Variants in YAE1 observed in about 807,000 individuals in gnomAD.
The protein encoded by YAE1 is YAE1 maturation factor of ABCE1.
Under a neutral mutation model 23.0 loss-of-function variants are expected in YAE1, and 22 were observed. The observed-to-expected ratio is 0.96, with a 90% CI of 0.68 to 1.37. YAE1 has a LOEUF of 1.37. Among genes scored for constraint, YAE1 ranks in the 40% most tolerant of loss-of-function variants. The pLI, the probability that YAE1 is intolerant of heterozygous loss-of-function variation, is 0.00. For synonymous variants in YAE1, 101 were observed against 97.0 expected (o/e 1.04, Z -0.24); for missense variants, 260 against 262.1 (o/e 0.99, Z 0.06).
intron 2 of YAE1, among the ~76,000 whole-genome samples, chr7:39,579,364 CTG>C (rs1790707986): frequency 6.6e-6 from 1 of 152,128 alleles, no homozygotes; most frequent in Non-Finnish European, 1.5e-5. Context: ...GTAGCAGTGA[CTG>C]TGTTTAGTAG....
At chr7:39,587,717 T>G (rs1026651539) in intron 2 of YAE1, among the ~76,000 whole-genome samples, 1 of 152,122 alleles carries the variant, frequency 6.6e-6, no homozygotes, top group Non-Finnish European at 1.5e-5. Flanking sequence ...TGCTGTGGAG[T>G]ATCTTCCTTT....
chr7:39,577,643 C>G (rs117719910), downstream of YAE1, among the ~76,000 whole-genome samples: 7,343 of 152,322 alleles, frequency 0.048, 240 homozygotes, highest in South Asian at 0.096. Flanking sequence ...CCCCGGTGGG[C>G]ACGGCTCAGA....
chr7:39,588,997 A>G (rs1179136942), intron 2 of YAE1, among the ~76,000 whole-genome samples: 1 of 151,728 alleles, frequency 6.6e-6, no homozygotes, highest in Admixed American at 6.6e-5. Flanking sequence ...TTATTTTTGT[A>G]TTTTTAGTAG....
intron 2 of YAE1, among the ~76,000 whole-genome samples, chr7:39,590,410 A>T (rs1790885618): frequency 6.6e-6 from 1 of 152,202 alleles, no homozygotes; most frequent in Non-Finnish European, 1.5e-5. Context: ...TAAAGTGGCA[A>T]TATGATCCCT....
At chr7:39,569,790 G>C (rs764158173) in intron 1 of YAE1, 30 of 764,558 alleles carry the variant, frequency 3.9e-5, no homozygotes, top group Middle Eastern at 2.5e-4. Flanking sequence ...TGATGAAACG[G>C]GTTCAATACT....
chr7:39,593,024 T>C (rs920595249), intron 2 of YAE1, among the ~76,000 whole-genome samples: 3 of 151,376 alleles, frequency 2.0e-5, no homozygotes, highest in Non-Finnish European at 4.4e-5. Flanking sequence ...CTTTCTTCTC[T>C]GTTTTTTTCA....
chr7:39,594,782 G>A (rs1417874498), intron 2 of YAE1, among the ~76,000 whole-genome samples: 1 of 152,032 alleles, frequency 6.6e-6, no homozygotes, highest in Admixed American at 6.6e-5. Flanking sequence ...TTTTAGTAGA[G>A]ATGGGCTTTC....
At chr7:39,588,357 C>G (rs952532714) in intron 2 of YAE1, among the ~76,000 whole-genome samples, 1 of 152,018 alleles carries the variant, frequency 6.6e-6, no homozygotes, top group African/African-American at 2.4e-5. Flanking sequence ...ACTAAAAATA[C>G]AAAAATTAGC....
intron 2 of YAE1, among the ~76,000 whole-genome samples, chr7:39,596,019 A>G (rs1164060933): frequency 1.3e-5 from 2 of 152,094 alleles, no homozygotes; most frequent in African/African-American, 4.8e-5. Flanking sequence ...CTTTTTCTTG[A>G]TATCTGGTCT....
chr7:39,593,025 G>GT (rs150029883), intron 2 of YAE1, among the ~76,000 whole-genome samples: 4,955 of 151,478 alleles, frequency 0.033, 128 homozygotes, highest in Admixed American at 0.07. Context: ...TTTCTTCTCT[G>GT]TTTTTTTCAG....
chr7:39,580,030 G>A (rs571873628), intron 2 of YAE1, among the ~76,000 whole-genome samples: 150 of 152,300 alleles, frequency 9.8e-4, no homozygotes, highest in African/African-American at 3.4e-3. Context: ...AGGCAACAGA[G>A]TGAGACCCTG....
downstream of YAE1, among the ~76,000 whole-genome samples, chr7:39,575,228 A>G (rs1235229888): frequency 6.6e-6 from 1 of 152,172 alleles, no homozygotes; most frequent in Non-Finnish European, 1.5e-5. Flanking sequence ...AAAATAAGTT[A>G]CTTCTGGGTG....
chr7:39,595,440 A>AAC (rs148235529), intron 2 of YAE1, among the ~76,000 whole-genome samples: 8,271 of 152,208 alleles, frequency 0.054, 293 homozygotes, highest in East Asian at 0.12. Flanking sequence ...AGAGCTGGTA[A>AAC]ACACTGCAGA....
intron 2 of YAE1, among the ~76,000 whole-genome samples, chr7:39,583,617 A>G (rs1182865154): frequency 6.6e-6 from 1 of 152,226 alleles, no homozygotes; most frequent in East Asian, 1.9e-4. Context: ...CTTCTTTGCC[A>G]TTATTTTGTA....
chr7:39,610,347 A>G (rs1300781455), downstream of YAE1: 4 of 469,724 alleles, frequency 8.5e-6, no homozygotes, highest in Non-Finnish European at 1.3e-5. Flanking sequence ...ATTTTTTGCA[A>G]CTGTTTGATA....
chr7:39,589,925 A>G (rs535580141), intron 2 of YAE1, among the ~76,000 whole-genome samples: 1 of 152,350 alleles, frequency 6.6e-6, no homozygotes, highest in East Asian at 1.9e-4. Flanking sequence ...GACGGAGACT[A>G]TGACTCACCG....
chr7:39,593,173 A>G (rs375781238), intron 2 of YAE1, among the ~76,000 whole-genome samples: 1 of 40,066 alleles, frequency 2.5e-5, no homozygotes, highest in Non-Finnish European at 4.9e-5. Context: ...CCATTTGGTT[A>G]TTTCTTTTTT....
At chr7:39,585,945 A>T (rs1790808073) in intron 2 of YAE1, among the ~76,000 whole-genome samples, 2 of 152,076 alleles carry the variant, frequency 1.3e-5, no homozygotes, top group South Asian at 4.2e-4. Context: ...TCTACAAAAA[A>T]ATACAAAAAT....
At chr7:39,609,412 G>A in intron 2 of YAE1, 1 of 648,110 alleles carries the variant, frequency 1.5e-6, no homozygotes, top group South Asian at 2.1e-5. Flanking sequence ...CCATCATGTG[G>A]GAACACTGGT....
Sources: allele counts gnomAD v4.1 joint callset (sites outside exome capture counted in the v4.1 genomes callset), GRCh38; gene constraint gnomAD v4.1.1; transcripts MANE v1.5; gene names NCBI Gene and HGNC (gene_info 2026-07-23, HGNC 2026-07-21).